Variants in RAD51 observed in about 807,000 individuals in gnomAD.
RAD51 encodes the protein RAD51 recombinase.
A neutral mutation model predicts 41.5 loss-of-function variants in RAD51; 14 were observed. That is an observed-to-expected ratio of 0.34 (90% confidence interval 0.22 to 0.53). The LOEUF is 0.53. RAD51 is among the 20% of genes least tolerant of loss of function. The probability of loss-of-function intolerance (pLI) is 0.95; values close to 1 mark genes in which losing one functional copy is unlikely to be tolerated. For synonymous variants in RAD51, 136 were observed against 148.6 expected (o/e 0.92, Z 0.62); for missense variants, 234 against 422.0 (o/e 0.55, Z 3.90).
At chr15:40,710,277 G>GAAAAAAAAA (rs1303638080) in intron 5 of RAD51, among the ~76,000 whole-genome samples, 1 of 88,966 alleles carries the variant, frequency 1.1e-5, no homozygotes, top group Non-Finnish European at 2.2e-5. Context: ...AAAAGAAGAA[G>GAAAAAAAAA]AAAAAAAAAA....
chr15:40,712,656 A>G (rs894084543), intron 5 of RAD51, among the ~76,000 whole-genome samples: 1 of 152,198 alleles, frequency 6.6e-6, no homozygotes. Flanking sequence ...CTCTTCTGTT[A>G]TAATCTTTTG....
At chr15:40,722,404 A>C (rs1203556152) in intron 6 of RAD51, among the ~76,000 whole-genome samples, 1 of 150,394 alleles carries the variant, frequency 6.6e-6, no homozygotes, top group Non-Finnish European at 1.5e-5. Flanking sequence ...CAAGAGCGAA[A>C]CTCTGGCTCG....
At chr15:40,700,555 A>G (rs551321699) in intron 2 of RAD51, among the ~76,000 whole-genome samples, 1 of 152,310 alleles carries the variant, frequency 6.6e-6, no homozygotes, top group Non-Finnish European at 1.5e-5. Flanking sequence ...GTCACAAAAA[A>G]AGGTTGGGAG....
At position 40,695,207 on chromosome 15, in the gene RAD51, G is replaced by C. The variant is rs1244330137; in HGVS notation, c.-221G>C. ...AAGCCGCTGGCGGACCGCGCGCAGCGGCCAGAGACCGAGCCCTAAGGAGAG... is the reference window on the plus strand; with the variant it reads ...AAGCCGCTGGCGGACCGCGCGCAGCCGCCAGAGACCGAGCCCTAAGGAGAG... On this transcript the variant is annotated 5_prime_UTR_variant, in exon 1 of 10. Coordinates refer to ENST00000267868, the MANE Select transcript of RAD51 (RefSeq NM_002875.5). The C allele has an allele frequency of 6.6e-6, 1 of 152,312 alleles. No individual in the cohort carries two copies. The highest frequency in any genetic ancestry group is 1.5e-5 in the Non-Finnish European group (1 of 68,104). The allele number at this position is 152,312 out of a possible 1,614,324, so 9.4% of individuals were successfully genotyped here. A position where few individuals can be genotyped will look rare whatever the true frequency, so the allele number is the denominator to read the frequency against.
intron 6 of RAD51, among the ~76,000 whole-genome samples, chr15:40,722,362 G>A (rs760249810): frequency 2.7e-4 from 41 of 151,420 alleles, no homozygotes; most frequent in Admixed American, 9.2e-4. Flanking sequence ...GCAGTGTGCC[G>A]AGATCATGCC....
intron 3 of RAD51, among the ~76,000 whole-genome samples, chr15:40,705,888 G>C (rs1253787011): frequency 1.3e-5 from 2 of 152,180 alleles, no homozygotes; most frequent in Non-Finnish European, 1.5e-5. Context: ...TTACAGGCGT[G>C]AGCCATCGCA....
At chr15:40,725,583 A>G (rs1350061197) in intron 6 of RAD51, among the ~76,000 whole-genome samples, 1 of 152,222 alleles carries the variant, frequency 6.6e-6, no homozygotes, top group Non-Finnish European at 1.5e-5. Flanking sequence ...GGTCCCCAGA[A>G]CAGCAGCATT....
At chr15:40,714,167 G>A (rs1895870681) in intron 5 of RAD51, among the ~76,000 whole-genome samples, 1 of 152,004 alleles carries the variant, frequency 6.6e-6, no homozygotes, top group Admixed American at 6.6e-5. Flanking sequence ...AGGGGGAGGG[G>A]TGGAGGAGGA....
rs539449181 is a variant in RAD51 at position 40,719,724 on chromosome 15, C to T, written c.530+825C>T. Among the ~76,000 whole-genome samples the T allele has an allele frequency of 1.9e-4, 29 of 151,858 alleles. No homozygotes were observed. The East Asian group carries it at 4.3e-3, about 22-fold the overall frequency. On this transcript the variant is annotated intron_variant, in intron 6 of 9. Coordinates refer to ENST00000267868, the MANE Select transcript of RAD51 (RefSeq NM_002875.5). ...GTGGGTGCCTGTAGTCCCAGCTACTCGGGAGGCTGAGGCAGGAGAATGGCC... is the reference window on the plus strand; with the variant it reads ...GTGGGTGCCTGTAGTCCCAGCTACTTGGGAGGCTGAGGCAGGAGAATGGCC...
At chr15:40,710,268 A>G (rs397853614) in intron 5 of RAD51, among the ~76,000 whole-genome samples, 38 of 135,144 alleles carry the variant, frequency 2.8e-4, no homozygotes, top group Non-Finnish European at 4.7e-4. Flanking sequence ...AAAAAAAAAA[A>G]AAGAAGAAGA....
intron 1 of RAD51, among the ~76,000 whole-genome samples, chr15:40,696,222 A>G (rs919852175): frequency 6.6e-5 from 10 of 152,172 alleles, no homozygotes; most frequent in African/African-American, 2.4e-4. Context: ...CTAAAGCGCA[A>G]TGTAATATAC....
chr15:40,697,991 G>A (rs562481130), intron 1 of RAD51, among the ~76,000 whole-genome samples: 44 of 152,214 alleles, frequency 2.9e-4, no homozygotes, highest in Non-Finnish European at 5.9e-4. Flanking sequence ...TGGCTATTTT[G>A]AAGTATACAT....
intron 5 of RAD51, 102 bp downstream of exon 5, chr15:40,709,218 C>T: frequency 1.0e-6 from 1 of 982,492 alleles, no homozygotes; most frequent in South Asian, 1.3e-5. Flanking sequence ...CTTTCTCTGT[C>T]CTCAAGAATC....
chr15:40,708,014 C>CTT lies in RAD51; in HGVS notation c.344-990_344-989dup, dbSNP rs35792895. On this transcript the variant is annotated intron_variant, in intron 4 of 9. Transcript: ENST00000267868. ...TACAGGCATGAGCCACTGTGCCCAG[C>CTT]TTTTTTTTTTTTTTTTTTTTTTGAG... Among the ~76,000 whole-genome samples, 182 of 115,814 alleles carry CTT rather than the reference C, an allele frequency of 1.6e-3. No individual in the cohort carries two copies. In the Middle Eastern group the frequency reaches 0.016, roughly 10 times the overall value. 76.0% of individuals were successfully genotyped at this position (115,814 alleles called of 152,430 possible).
Position 40,731,338 on chromosome 15 carries a change from G to C in RAD51, c.*160G>C. 1.1e-6 allele frequency: 1 copy of C among 888,840 alleles called. No individual in the cohort carries two copies. The highest frequency in any genetic ancestry group is 1.8e-6 in the Non-Finnish European group (1 of 565,748). 55.1% of individuals were successfully genotyped at this position (888,840 alleles called of 1,614,324 possible). The stretch of plus-strand genomic sequence containing the variant: ...TCAGCTTTTCTGATGGTATAAACAG[G>C]AGACAGGTCAGTAGTCACAAACTGA... On this transcript the variant is annotated 3_prime_UTR_variant, in exon 10 of 10. Coordinates refer to ENST00000267868, the MANE Select transcript of RAD51 (RefSeq NM_002875.5).
rs761057697 is a variant in RAD51, at chr15:40,718,785, G to T, written c.436-20G>T. 1.7e-5 allele frequency: 27 copies of T among 1,559,418 alleles called. No individual in the cohort carries two copies. Among genetic ancestry groups the T allele is most frequent in the Admixed American group, 6.7e-5 (4 of 59,872 alleles). ...CAGAAATACAATGTTCATTTCTACT[G>T]TTGTTTTTGTTCTCTATAGCTTCCC... On this transcript the variant is annotated intron_variant, in intron 5 of 9. Coordinates refer to ENST00000267868, the MANE Select transcript of RAD51 (RefSeq NM_002875.5).
At chr15:40,701,541 G>T (rs2141820420) in intron 3 of RAD51, among the ~76,000 whole-genome samples, 1 of 151,206 alleles carries the variant, frequency 6.6e-6, no homozygotes, top group African/African-American at 2.4e-5. Flanking sequence ...CACCATGCCG[G>T]GGTAGTCTCG....
At position 40,731,318 on chromosome 15, in the gene RAD51, T is replaced by G; in HGVS notation, c.*140T>G. 1 of 1,131,360 alleles carries G rather than the reference T, an allele frequency of 8.8e-7. No individual in the cohort carries two copies. The highest frequency in any genetic ancestry group is 1.3e-6 in the Non-Finnish European group (1 of 771,908). 70.1% of individuals were successfully genotyped at this position (1,131,360 alleles called of 1,614,324 possible). A position where few individuals can be genotyped will look rare whatever the true frequency, so the allele number is the denominator to read the frequency against. ...CCGGGAAAACAGCTATTATATCAGC[T>G]TTTCTGATGGTATAAACAGGAGACA... On this transcript the variant is annotated 3_prime_UTR_variant, in exon 10 of 10. Transcript: ENST00000267868.
At chr15:40,704,056 C>T (rs917116681) in intron 3 of RAD51, among the ~76,000 whole-genome samples, 43 of 151,918 alleles carry the variant, frequency 2.8e-4, no homozygotes, top group African/African-American at 1.0e-3. Flanking sequence ...GCACGCCCCA[C>T]CATGCCCTGC....
Sources: allele counts gnomAD v4.1 joint callset (sites outside exome capture counted in the v4.1 genomes callset), GRCh38; gene constraint gnomAD v4.1.1; transcripts MANE v1.5; gene names NCBI Gene and HGNC (gene_info 2026-07-23, HGNC 2026-07-21).